ZBTB20: variants seen among roughly 807,000 people sequenced by gnomAD.
ZBTB20 encodes the protein zinc finger and BTB domain-containing protein 20.
A neutral mutation model predicts 56.9 loss-of-function variants in ZBTB20; 9 were observed. That is an observed-to-expected ratio of 0.16 (90% CI 0.10 to 0.28). The LOEUF (loss-of-function observed/expected upper bound fraction) is 0.28. ZBTB20 is among the 10% of genes least tolerant of loss of function. The pLI, the probability that ZBTB20 is intolerant of heterozygous loss-of-function variation, is 1.00. For missense variants in ZBTB20, 655 were observed against 1,003.0 expected, an observed-to-expected ratio of 0.65 and a Z score of 4.69; for synonymous variants, 417 against 420.7, an observed-to-expected ratio of 0.99 and a Z score of 0.11.
chr3:115,090,352 A>G (rs542535474), intron 1 of ZBTB20, among the ~76,000 whole-genome samples: 1 of 151,966 alleles, frequency 6.6e-6, no homozygotes, highest in African/African-American at 2.4e-5. Flanking sequence ...ATAATATTGA[A>G]AAGAATTTTT....
At position 114,332,205 on chromosome 3, in the gene ZBTB20, G is replaced by A. The variant is rs569723708; in HGVS notation, c.*6800C>T. 4.6e-5 allele frequency: 7 copies of A among 152,118 alleles called. No individual in the cohort carries two copies. Among genetic ancestry groups the A allele is most frequent in the Non-Finnish European group, 7.4e-5 (5 of 67,998 alleles). 9.4% of individuals were successfully genotyped at this position (152,118 alleles called of 1,614,324 possible). On this transcript the variant is annotated 3_prime_UTR_variant, in exon 12 of 12. Transcript: ENST00000675478. ...GCATCCCAGAAGCCTGGACTCTCAG[G>A]ACTGTGGCTAGATTTTGCCCATGAT...
At chr3:114,815,096 A>C (rs2072822054) in intron 4 of ZBTB20, among the ~76,000 whole-genome samples, 1 of 152,206 alleles carries the variant, frequency 6.6e-6, no homozygotes, top group Admixed American at 6.5e-5. Flanking sequence ...TTAGGTCTCC[A>C]TGACTTGCAC....
intron 10 of ZBTB20, among the ~76,000 whole-genome samples, chr3:114,377,407 A>G (rs970786515): frequency 2.0e-5 from 3 of 152,236 alleles, no homozygotes; most frequent in Non-Finnish European, 4.4e-5. Context: ...TACCACTGGG[A>G]TCTTTTGCCG....
chr3:114,672,567 G>A (rs2061411317), intron 6 of ZBTB20, among the ~76,000 whole-genome samples: 1 of 152,124 alleles, frequency 6.6e-6, no homozygotes, highest in African/African-American at 2.4e-5. Flanking sequence ...AAATCAACTC[G>A]AGGTTCCAAG....
intron 7 of ZBTB20, among the ~76,000 whole-genome samples, chr3:114,463,338 T>G (rs1472043088): frequency 6.6e-6 from 1 of 152,214 alleles, no homozygotes; most frequent in African/African-American, 2.4e-5. Flanking sequence ...CTACGTTGTA[T>G]ATGCCTCCAA....
At position 114,346,683 on chromosome 3, in the gene ZBTB20, ATTTT is replaced by A. The variant is rs34177643; in HGVS notation, c.1804+3587_1804+3590del. On this transcript the variant is annotated intron_variant, in intron 11 of 11. Transcript: ENST00000675478. ...TGGACTACTTCTTTGTCTCAAACAG[ATTTT>A]TTTTTTTTTTTTTTTTGATACAGAG... Among the ~76,000 whole-genome samples the A allele has an allele frequency of 8.5e-3, 1,168 of 136,892 alleles. 16 individuals are homozygous for A. Among genetic ancestry groups the A allele is most frequent in the African/African-American group, 0.029 (1,073 of 36,822 alleles). The allele number at this position is 136,892 out of a possible 152,430, so 89.8% of individuals were successfully genotyped here. A position where few individuals can be genotyped will look rare whatever the true frequency, so the allele number is the denominator to read the frequency against.
At chr3:115,004,203 T>C (rs1221484768) in intron 2 of ZBTB20, among the ~76,000 whole-genome samples, 2 of 151,650 alleles carry the variant, frequency 1.3e-5, no homozygotes, top group Non-Finnish European at 3.0e-5. Flanking sequence ...TCTGTGCTAC[T>C]GCCCAAAACT....
chr3:114,574,625 A>C (rs568322377), intron 6 of ZBTB20, among the ~76,000 whole-genome samples: 1 of 152,114 alleles, frequency 6.6e-6, no homozygotes, highest in East Asian at 1.9e-4. Context: ...TTCATTTCTG[A>C]TTGTAACACC....
intron 6 of ZBTB20, among the ~76,000 whole-genome samples, chr3:114,619,101 C>A (rs2058137834): frequency 1.3e-5 from 2 of 152,130 alleles, no homozygotes; most frequent in Non-Finnish European, 2.9e-5. Flanking sequence ...GTGAGTGCAG[C>A]ATTCATAGCT....
intron 7 of ZBTB20, among the ~76,000 whole-genome samples, chr3:114,446,351 C>T (rs2091271014): frequency 6.6e-6 from 1 of 152,080 alleles, no homozygotes; most frequent in African/African-American, 2.4e-5. Flanking sequence ...CTACTTTAAA[C>T]ACAGCACAAA....
chr3:114,678,533 A>C (rs1336820105), intron 6 of ZBTB20, among the ~76,000 whole-genome samples: 1 of 152,152 alleles, frequency 6.6e-6, no homozygotes, highest in Non-Finnish European at 1.5e-5. Flanking sequence ...AAAGATTTGA[A>C]GTGAGTAACT....
At chr3:114,545,483 T>C (rs1216834103) in intron 6 of ZBTB20, among the ~76,000 whole-genome samples, 1 of 152,228 alleles carries the variant, frequency 6.6e-6, no homozygotes, top group Non-Finnish European at 1.5e-5. Flanking sequence ...TACTTACTAG[T>C]GGTACACCAT....
intron 7 of ZBTB20, among the ~76,000 whole-genome samples, 178 bp from the exon 8 acceptor site, chr3:114,389,283 A>T (rs375988626): frequency 6.6e-6 from 1 of 152,236 alleles, no homozygotes; most frequent in African/African-American, 2.4e-5. Flanking sequence ...GATGTTGTCC[A>T]GGCTCCATTT....
At chr3:114,563,377 T>A (rs1227904785) in intron 6 of ZBTB20, among the ~76,000 whole-genome samples, 1 of 152,226 alleles carries the variant, frequency 6.6e-6, no homozygotes, top group Non-Finnish European at 1.5e-5. Context: ...GAACTTTGCA[T>A]AACTCTAAAA....
Position 114,675,212 on chromosome 3 carries a change from C to T in ZBTB20, c.-295+18316G>A, listed in dbSNP as rs942743741. On this transcript the variant is annotated intron_variant, in intron 6 of 11. Coordinates refer to ENST00000675478, the MANE Select transcript of ZBTB20 (RefSeq NM_001348800.3). ...CTTGCATCACAACCCCAGCTGTAGT[C>T]ATCAAAGTGGAAAAACTGACAGCAT... is the stretch of plus-strand genomic sequence containing the variant. Among the ~76,000 whole-genome samples, 35 of 151,818 alleles carry T rather than the reference C, an allele frequency of 2.3e-4. 1 individual carries two copies. The highest frequency in any genetic ancestry group is 1.9e-3 in the Admixed American group (29 of 15,206).
intron 2 of ZBTB20, among the ~76,000 whole-genome samples, chr3:115,052,324 G>A (rs2081583387): frequency 6.6e-6 from 1 of 151,944 alleles, no homozygotes; most frequent in African/African-American, 2.4e-5. Context: ...GGGCATGGTG[G>A]TGCATGCCTG....
intron 5 of ZBTB20, among the ~76,000 whole-genome samples, chr3:114,769,185 A>C (rs1490339461): frequency 6.6e-6 from 1 of 152,130 alleles, no homozygotes; most frequent in Non-Finnish European, 1.5e-5. Flanking sequence ...TTTGTTAGAA[A>C]AATAATACCG....
chr3:115,135,693 G>A (rs1199909580), intron 1 of ZBTB20, among the ~76,000 whole-genome samples: 2 of 152,118 alleles, frequency 1.3e-5, no homozygotes, highest in Non-Finnish European at 2.9e-5. Flanking sequence ...GGAATTACAT[G>A]TGTCCCACAT....
In ZBTB20 at chr3:114,439,341, T is replaced by G. The variant is rs535023570; in HGVS notation, c.-254-50236A>C. ...AGGTGAATTACCACAATAACTCTTT[T>G]CAGTTAGAGAAAAAATAGCAGAAAC... On this transcript the variant is annotated intron_variant, in intron 7 of 11. Coordinates refer to ENST00000675478, the MANE Select transcript of ZBTB20 (RefSeq NM_001348800.3). 3.3e-5 allele frequency among the ~76,000 whole-genome samples: 5 copies of G among 152,162 alleles called. 1 individual carries two copies. The South Asian group carries it at 1.0e-3, about 32-fold the overall frequency.
Sources: allele counts gnomAD v4.1 joint callset (sites outside exome capture counted in the v4.1 genomes callset), GRCh38; gene constraint gnomAD v4.1.1; transcripts MANE v1.5; gene names NCBI Gene and HGNC (gene_info 2026-07-23, HGNC 2026-07-21).